Variants in GCLC observed in about 807,000 individuals in gnomAD.
The protein encoded by GCLC is glutamate--cysteine ligase catalytic subunit.
A neutral mutation model predicts 81.5 loss-of-function variants in GCLC; 30 were observed. The ratio of observed to expected loss-of-function variants is 0.37; its 90% CI spans 0.28 to 0.50. GCLC has a LOEUF of 0.50. Ranked by LOEUF, GCLC falls within the 20% of genes least tolerant of loss-of-function variation. GCLC has a pLI of 0.96. For synonymous variants in GCLC, 262 were observed against 273.3 expected (o/e 0.96, Z 0.41); for missense variants, 556 against 777.4 (o/e 0.72, Z 3.39).
chr6:53,505,025 A>C (rs904198219), intron 12 of GCLC, among the ~76,000 whole-genome samples: 1 of 152,114 alleles, frequency 6.6e-6, no homozygotes, highest in African/African-American at 2.4e-5. Flanking sequence ...TTTTTCTGAG[A>C]GTTCAATCCC....
Position 53,500,756 on chromosome 6 carries a change from T to C in GCLC, c.1396-243A>G, listed in dbSNP as rs189939870. 122 of 560,366 alleles carry C rather than the reference T, an allele frequency of 2.2e-4. 1 individual carries two copies. Among genetic ancestry groups the C allele is most frequent in the Non-Finnish European group, 3.3e-4 (104 of 314,822 alleles). 34.7% of individuals were successfully genotyped at this position (560,366 alleles called of 1,614,324 possible). A position where few individuals can be genotyped will look rare whatever the true frequency, so the allele number is the denominator to read the frequency against. ...TTAAGAGAAACTTAAAACCCAAAAC[T>C]TATATTCATGTGGAACGTCTGCATT... On this transcript the variant is annotated intron_variant, in intron 12 of 15. Coordinates refer to ENST00000650454, the MANE Select transcript of GCLC (RefSeq NM_001498.4).
intron 1 of GCLC, among the ~76,000 whole-genome samples, chr6:53,538,889 C>T (rs1402993460): frequency 6.6e-6 from 1 of 152,150 alleles, no homozygotes; most frequent in Non-Finnish European, 1.5e-5. Context: ...ACAACCTATA[C>T]AGTTTGAAAT....
chr6:53,522,128 AC>A (rs1189173728), intron 2 of GCLC, among the ~76,000 whole-genome samples: 1 of 152,248 alleles, frequency 6.6e-6, no homozygotes, highest in Non-Finnish European at 1.5e-5. Context: ...AGTTTACTGT[AC>A]AAAGTGCTTC....
Position 53,514,494 on chromosome 6 carries a change from G to C in GCLC, c.564C>G (p.Thr188=). The part of the protein sequence containing the change: ...EAINKHPRFS[T]LTRNIRHRRG... ...TCCTATGTCGGATATTTCTTGTTAA[G>C]GTACTAAAACAGACAACCAAACGTC... The change falls in exon 5 of 16, where the codon ACC becomes ACG. Residue 188 remains threonine, a synonymous_variant. Coordinates refer to ENST00000650454, the MANE Select transcript of GCLC (RefSeq NM_001498.4). 6.2e-7 allele frequency: 1 copy of C among 1,612,180 alleles called. No individual in the cohort carries two copies. Among genetic ancestry groups the C allele is most frequent in the Non-Finnish European group, 8.5e-7 (1 of 1,178,330 alleles).
intron 1 of GCLC, among the ~76,000 whole-genome samples, chr6:53,541,527 C>A (rs377454161): frequency 6.6e-6 from 1 of 151,610 alleles, no homozygotes; most frequent in Admixed American, 6.6e-5. Context: ...AAATGAGCAG[C>A]GGGTTATGCT....
rs1266938373 is a variant in GCLC at position 53,544,688 on chromosome 6, G to A, written c.-43C>T. The A allele has an allele frequency of 6.5e-7, 1 of 1,549,102 alleles. No homozygotes were observed. Among genetic ancestry groups the A allele is most frequent in the Non-Finnish European group, 8.7e-7 (1 of 1,153,572 alleles). On this transcript the variant is annotated 5_prime_UTR_variant, in exon 1 of 16. Coordinates refer to ENST00000650454, the MANE Select transcript of GCLC (RefSeq NM_001498.4). The stretch of plus-strand genomic sequence containing the variant: ...CCTCCTCCTCCTCCGGGCTGACGGC[G>A]GTCGCCCGCTCCGGGCGCGAGACGG...
At chr6:53,505,267 AG>A in intron 12 of GCLC, 124 bp downstream of exon 12, 1 of 687,040 alleles carries the variant, frequency 1.5e-6, no homozygotes, top group Non-Finnish European at 2.7e-6. Flanking sequence ...GGGCTGATGG[AG>A]AAACATTTTA....
chr6:53,515,030 G>C (rs1764839255), intron 4 of GCLC, among the ~76,000 whole-genome samples: 1 of 152,156 alleles, frequency 6.6e-6, no homozygotes, highest in African/African-American at 2.4e-5. Context: ...ATGAAAACAT[G>C]CACATGCTGT....
intron 1 of GCLC, among the ~76,000 whole-genome samples, chr6:53,523,049 G>A (rs915880003): frequency 1.3e-5 from 2 of 152,164 alleles, no homozygotes; most frequent in Non-Finnish European, 2.9e-5. Context: ...AATATACCGT[G>A]TGGAGAAGTT....
rs781128292 is a variant in GCLC at position 53,498,640 on chromosome 6, G to T, written c.*116C>A. On this transcript the variant is annotated 3_prime_UTR_variant, in exon 16 of 16. Transcript: ENST00000650454. ...GCCTTAATCAATTTCTGGCTCACTG[G>T]CCCAGAAAACAGTACAGTTCTATCA... 1 of 761,132 alleles carries T rather than the reference G, an allele frequency of 1.3e-6. No homozygotes were observed. 47.1% of individuals were successfully genotyped at this position (761,132 alleles called of 1,614,324 possible). A position where few individuals can be genotyped will look rare whatever the true frequency, so the allele number is the denominator to read the frequency against.
intron 1 of GCLC, among the ~76,000 whole-genome samples, chr6:53,532,577 C>A (rs991199685): frequency 6.6e-6 from 1 of 152,186 alleles, no homozygotes; most frequent in African/African-American, 2.4e-5. Context: ...GCTTCTATGA[C>A]CTTTTCTATC....
rs551180044 is a variant in GCLC, at chr6:53,520,270, G to A, written c.446+508C>T. Among the ~76,000 whole-genome samples, 53 of 152,276 alleles carry A rather than the reference G, an allele frequency of 3.5e-4. No individual in the cohort carries two copies. The South Asian group carries it at 3.7e-3, about 11-fold the overall frequency. The stretch of plus-strand genomic sequence containing the variant: ...AATATGCAAGGACCTAATGACTCAC[G>A]TTGTTCATAGAGCATCGGTATCGAT... On this transcript the variant is annotated intron_variant, in intron 3 of 15. Coordinates refer to ENST00000650454, the MANE Select transcript of GCLC (RefSeq NM_001498.4).
rs35480206 is a variant in GCLC, at chr6:53,540,667, C to CCACACACACA, written c.150+3819_150+3828dup. 6.8e-3 allele frequency among the ~76,000 whole-genome samples: 976 copies of CCACACACACA among 143,898 alleles called. 12 individuals carry two copies. The highest frequency in any genetic ancestry group is 0.041 in the South Asian group (182 of 4,398). The allele number at this position is 143,898 out of a possible 152,430, so 94.4% of individuals were successfully genotyped here. ...GGTAGAGCTCATGTTAAGTGTCTTG[C>CCACACACACA]CACACACACACACACACACACACAC... On this transcript the variant is annotated intron_variant, in intron 1 of 15. Coordinates refer to ENST00000650454, the MANE Select transcript of GCLC (RefSeq NM_001498.4).
At chr6:53,541,937 G>A (rs1461771083) in intron 1 of GCLC, among the ~76,000 whole-genome samples, 7 of 152,058 alleles carry the variant, frequency 4.6e-5, no homozygotes, top group South Asian at 2.1e-4. Context: ...GAACAATCAC[G>A]GCTCACTGCA....
At chr6:53,514,859 T>C (rs1394936349) in intron 4 of GCLC, among the ~76,000 whole-genome samples, 1 of 152,224 alleles carries the variant, frequency 6.6e-6, no homozygotes, top group East Asian at 1.9e-4. Context: ...GGTCAAACTT[T>C]AGTACCCACT....
chr6:53,529,028 T>C (rs1475761625), intron 1 of GCLC, among the ~76,000 whole-genome samples: 1 of 152,226 alleles, frequency 6.6e-6, no homozygotes. Flanking sequence ...TTGTCCATTA[T>C]GCTAGTCACT....
intron 8 of GCLC, 79 bp downstream of exon 8, chr6:53,508,516 C>A: frequency 1.1e-6 from 1 of 877,902 alleles, no homozygotes; most frequent in Non-Finnish European, 2.0e-6. Flanking sequence ...AGGGAGACAT[C>A]CTGAAATTGC....
At position 53,544,561 on chromosome 6, in the gene GCLC, G is replaced by C; in HGVS notation, c.85C>G (p.Gln29Glu). The change falls in exon 1 of 16, where the codon CAG (glutamine) becomes GAG (glutamate). Residue 29 changes from glutamine (Q) to glutamate (E), a missense_variant. Transcript: ENST00000650454. Reference protein sequence around the residue: ...ADHVRRHGILQFLHIYHAVKD... With the variant: ...ADHVRRHGILEFLHIYHAVKD... ...ACGGCGTGGTAGATGTGCAGGAACT[G>C]GAGGATCCCGTGCCGCCGCACGTGG... The C allele has an allele frequency of 1.9e-6, 3 of 1,607,990 alleles. No homozygotes were observed. The highest frequency in any genetic ancestry group is 2.5e-6 in the Non-Finnish European group (3 of 1,179,630).
intron 1 of GCLC, among the ~76,000 whole-genome samples, chr6:53,538,130 TC>T (rs1763286765): frequency 6.8e-6 from 1 of 146,000 alleles, no homozygotes; most frequent in Non-Finnish European, 1.5e-5. Context: ...TTTTCTTTTT[TC>T]TTTCCTTTTT....
Sources: gnomAD v4.1 joint callset for allele counts (sites outside exome capture counted in the v4.1 genomes callset) on GRCh38, gnomAD v4.1.1 for gene constraint, MANE v1.5 for transcripts, NCBI Gene and HGNC (gene_info 2026-07-23, HGNC 2026-07-21) for gene names.